The following SLF1 variants were observed in gnomAD, a reference collection of about 807,000 sequenced individuals.
The protein encoded by SLF1 is SMC5/6 complex localization factor 1.
SLF1 carries 105 observed loss-of-function variants against 123.0 expected under a neutral mutation model. The ratio of observed to expected loss-of-function variants is 0.85; its 90% CI spans 0.73 to 1.00. SLF1 has a LOEUF of 1.00. SLF1 is among the 50% of genes least tolerant of loss of function. SLF1 has a pLI of 0.00. For synonymous variants in SLF1, 434 were observed against 406.6 expected, an observed-to-expected ratio of 1.07 and a Z score of -0.81; for missense variants, 1,239 against 1,223.0, an observed-to-expected ratio of 1.01 and a Z score of -0.20.
chr5:94,660,364 A>C (rs959396188), intron 9 of SLF1, among the ~76,000 whole-genome samples: 1 of 152,182 alleles, frequency 6.6e-6, no homozygotes, highest in African/African-American at 2.4e-5. Flanking sequence ...CTGTTGCAGT[A>C]GGCCAGGTAG....
rs936973220 is a variant in SLF1 at position 94,689,500 on chromosome 5, A to T, written c.2313A>T (p.Ser771=). The T allele has an allele frequency of 1.9e-6, 3 of 1,612,804 alleles. No homozygotes were observed. Among genetic ancestry groups the T allele is most frequent in the Non-Finnish European group, 2.5e-6 (3 of 1,179,266 alleles). ...ACCTGAACCTTGCTAAATGTTCCTC[A>T]TCATTAAAAAAATTGAAAAAGAAGT... ...LLDLNLAKCS[S]SLKKLKKKSE... Residue 771 remains serine, a synonymous_variant, in exon 18 of 21, where the codon TCA becomes TCT. Coordinates refer to ENST00000265140, the MANE Select transcript of SLF1 (RefSeq NM_032290.4).
intron 14 of SLF1, among the ~76,000 whole-genome samples, chr5:94,675,098 TTGTC>T (rs1359089541): frequency 6.6e-6 from 1 of 152,316 alleles, no homozygotes; most frequent in Non-Finnish European, 1.5e-5. Context: ...ACAGAGTAGT[TTGTC>T]ACATATTACA....
At chr5:94,693,434 T>C (rs774202478) in intron 20 of SLF1, among the ~76,000 whole-genome samples, 1 of 152,070 alleles carries the variant, frequency 6.6e-6, no homozygotes, top group Admixed American at 6.6e-5. Context: ...AGCTCTTCAG[T>C]AGAGTATGGC....
At chr5:94,627,588 A>ATATATG (rs201555353) in intron 1 of SLF1, among the ~76,000 whole-genome samples, 2,343 of 74,522 alleles carry the variant, frequency 0.031, 60 homozygotes, top group South Asian at 0.05. Flanking sequence ...AAATTAACAT[A>ATATATG]TATATATATA....
In SLF1 at chr5:94,649,446, A is replaced by G; in HGVS notation, c.595-8A>G. ...ATGATTGCCTAAACCATTTTTACAT[A>G]CATACAGAAAGAAATTCAGAATGAT... On this transcript the variant is annotated splice_region_variant and splice_polypyrimidine_tract_variant and intron_variant, in intron 5 of 20. Transcript: ENST00000265140. 6.7e-7 allele frequency: 1 copy of G among 1,488,150 alleles called. No individual in the cohort carries two copies. The highest frequency in any genetic ancestry group is 9.0e-7 in the Non-Finnish European group (1 of 1,105,216). 92.2% of individuals were successfully genotyped at this position (1,488,150 alleles called of 1,614,324 possible).
intron 14 of SLF1, among the ~76,000 whole-genome samples, chr5:94,671,811 A>G (rs1451766849): frequency 2.0e-5 from 3 of 151,322 alleles, no homozygotes; most frequent in African/African-American, 4.9e-5. Context: ...TTTTTTTTCA[A>G]AGTATTTTCT....
chr5:94,651,559 G>C (rs1747726339), intron 6 of SLF1, 143 bp from the exon 7 acceptor site: 1 of 493,692 alleles, frequency 2.0e-6, no homozygotes, highest in African/African-American at 2.0e-5. Context: ...TAATTCAGAG[G>C]GTTCTTTACT....
chr5:94,672,629 A>G (rs1750603744), intron 14 of SLF1, among the ~76,000 whole-genome samples: 2 of 151,914 alleles, frequency 1.3e-5, no homozygotes, highest in Admixed American at 6.6e-5. Flanking sequence ...TGACCATTGC[A>G]TTTAAATTTT....
At chr5:94,634,674 A>C (rs185445188) in intron 4 of SLF1, among the ~76,000 whole-genome samples, 3 of 152,266 alleles carry the variant, frequency 2.0e-5, no homozygotes, top group Admixed American at 2.0e-4. Flanking sequence ...TGGTTTATTA[A>C]TTTCCATTCC....
chr5:94,674,070 G>A (rs1685880701), intron 14 of SLF1, among the ~76,000 whole-genome samples: 1 of 152,102 alleles, frequency 6.6e-6, no homozygotes, highest in Admixed American at 6.5e-5. Flanking sequence ...AAAGCTGATA[G>A]CATCTTTATA....
At chr5:94,643,185 G>A (rs1273243593) in intron 4 of SLF1, 88 bp from the exon 5 acceptor site, 20 of 1,067,994 alleles carry the variant, frequency 1.9e-5, no homozygotes, top group South Asian at 1.7e-4. Flanking sequence ...AAGTCCATTC[G>A]TACTCCTAAG....
chr5:94,621,169 A>C (rs1168253149), intron 1 of SLF1, among the ~76,000 whole-genome samples: 1 of 152,144 alleles, frequency 6.6e-6, no homozygotes, highest in East Asian at 1.9e-4. Context: ...GTGTTAGCTG[A>C]AAGTAGATTG....
At chr5:94,672,849 CTTA>C (rs1160717663) in intron 14 of SLF1, among the ~76,000 whole-genome samples, 2 of 152,114 alleles carry the variant, frequency 1.3e-5, no homozygotes, top group African/African-American at 4.8e-5. Flanking sequence ...CTCTTGCAAG[CTTA>C]TTATTCACTA....
At chr5:94,649,725 CTG>C (rs1230423795) in intron 6 of SLF1, 128 bp downstream of exon 6, 2 of 855,922 alleles carry the variant, frequency 2.3e-6, no homozygotes, top group Non-Finnish European at 1.7e-6. Context: ...TGTTTATAGT[CTG>C]TGACTTGAAC....
intron 15 of SLF1, among the ~76,000 whole-genome samples, chr5:94,682,039 C>T (rs898199954): frequency 1.4e-4 from 22 of 151,992 alleles, no homozygotes; most frequent in Non-Finnish European, 2.9e-4. Flanking sequence ...TGTGCATGTG[C>T]GCGTGTGCAC....
chr5:94,669,236 G>A (rs1750158165), intron 12 of SLF1, among the ~76,000 whole-genome samples: 1 of 152,100 alleles, frequency 6.6e-6, no homozygotes, highest in African/African-American at 2.4e-5. Flanking sequence ...CAGAAAGACT[G>A]ATTAACTATG....
At chr5:94,631,629 T>A (rs990305178) in intron 4 of SLF1, among the ~76,000 whole-genome samples, 1 of 152,256 alleles carries the variant, frequency 6.6e-6, no homozygotes, top group Non-Finnish European at 1.5e-5. Context: ...TCCATGGATA[T>A]GTTACAGTCT....
intron 9 of SLF1, among the ~76,000 whole-genome samples, 171 bp downstream of exon 9, chr5:94,654,923 G>A (rs1177435008): frequency 6.6e-6 from 1 of 152,072 alleles, no homozygotes; most frequent in Non-Finnish European, 1.5e-5. Context: ...TGGACATTTA[G>A]TAAATAGGCT....
rs1306251668 is a variant in SLF1, at chr5:94,696,073, T to A, written c.*761T>A. The A allele has an allele frequency of 6.6e-6, 1 of 151,766 alleles. No individual in the cohort carries two copies. The highest frequency in any genetic ancestry group is 1.5e-5 in the Non-Finnish European group (1 of 67,782). 9.4% of individuals were successfully genotyped at this position (151,766 alleles called of 1,614,324 possible). Reference sequence around the variant, plus strand: ...TATTGAGTGGCATCTAAGTAATAGATTTGAGATTATTTAAGATCTTAATAT... The same window carrying A: ...TATTGAGTGGCATCTAAGTAATAGAATTGAGATTATTTAAGATCTTAATAT... On this transcript the variant is annotated 3_prime_UTR_variant, in exon 21 of 21. Transcript: ENST00000265140.
Sources: allele counts gnomAD v4.1 joint callset (sites outside exome capture counted in the v4.1 genomes callset), GRCh38; gene constraint gnomAD v4.1.1; transcripts MANE v1.5; gene names NCBI Gene and HGNC (gene_info 2026-07-23, HGNC 2026-07-21).